The following DRD2 variants were observed in gnomAD, a reference collection of about 807,000 sequenced individuals.
DRD2 encodes dopamine receptor D2.
In DRD2, 8 loss-of-function variants were observed where a neutral mutation model predicts 38.0. The ratio of observed to expected loss-of-function variants is 0.21; its 90% confidence interval spans 0.12 to 0.38. The LOEUF is 0.38. DRD2 is among the 10% of genes least tolerant of loss of function. The probability of loss-of-function intolerance (pLI) is 1.00; values close to 1 mark genes in which losing one functional copy is unlikely to be tolerated. For missense variants in DRD2, 403 were observed against 607.7 expected (o/e 0.66, Z 3.54); for synonymous variants, 230 against 238.6 (o/e 0.96, Z 0.33).
chr11:113,426,091 C>G (rs968375360), intron 1 of DRD2, among the ~76,000 whole-genome samples: 1 of 151,884 alleles, frequency 6.6e-6, no homozygotes, highest in Non-Finnish European at 1.5e-5. Flanking sequence ...GTCATCTGAA[C>G]GAAGATAGTG....
At chr11:113,423,744 C>T (rs1950907820) in intron 2 of DRD2, among the ~76,000 whole-genome samples, 1 of 152,154 alleles carries the variant, frequency 6.6e-6, no homozygotes, top group Non-Finnish European at 1.5e-5. Context: ...ACAATTCTTC[C>T]TAACAAAAGG....
chr11:113,461,384 A>G (rs1951317414), intron 1 of DRD2, among the ~76,000 whole-genome samples: 1 of 152,188 alleles, frequency 6.6e-6, no homozygotes, highest in Non-Finnish European at 1.5e-5. Context: ...CCCCCAGCAA[A>G]GCTGAACTCA....
At chr11:113,413,099 A>T (rs774115040) in intron 6 of DRD2, among the ~76,000 whole-genome samples, 3 of 152,178 alleles carry the variant, frequency 2.0e-5, no homozygotes, top group Admixed American at 6.5e-5. Context: ...GGCAATCCTC[A>T]TGCAGCCTCA....
intron 1 of DRD2, among the ~76,000 whole-genome samples, chr11:113,473,214 A>G (rs1951446509): frequency 6.6e-6 from 1 of 152,204 alleles, no homozygotes; most frequent in Non-Finnish European, 1.5e-5. Flanking sequence ...ATGTAAAATA[A>G]ACTTGATTTC....
At chr11:113,451,324 T>C (rs943865597) in intron 1 of DRD2, among the ~76,000 whole-genome samples, 2 of 152,166 alleles carry the variant, frequency 1.3e-5, no homozygotes, top group African/African-American at 4.8e-5. Context: ...TTAGAAAAGA[T>C]GGTAACATGT....
chr11:113,447,469 C>A (rs1591294225), intron 1 of DRD2: 1 of 142,432 alleles, frequency 7.0e-6, no homozygotes, highest in African/African-American at 2.5e-5. Flanking sequence ...TCCATACCAC[C>A]CTCTGAAAAA....
At chr11:113,449,774 A>G (rs1274851795) in intron 1 of DRD2, among the ~76,000 whole-genome samples, 1 of 152,218 alleles carries the variant, frequency 6.6e-6, no homozygotes, top group African/African-American at 2.4e-5. Context: ...ATACTCAGAC[A>G]AGCCGGATGG....
intron 3 of DRD2, 85 bp downstream of exon 3, chr11:113,417,942 G>T: frequency 1.8e-6 from 2 of 1,098,142 alleles, no homozygotes; most frequent in South Asian, 1.3e-5. Context: ...TCACAGACAC[G>T]AGACACAGCC....
At chr11:113,440,166 G>A (rs949673344) in intron 1 of DRD2, among the ~76,000 whole-genome samples, 8 of 152,042 alleles carry the variant, frequency 5.3e-5, no homozygotes, top group South Asian at 2.1e-4. Context: ...TGCTCGCCTC[G>A]CCCAGATACC....
chr11:113,444,159 CA>C (rs1202896293), intron 1 of DRD2, among the ~76,000 whole-genome samples: 1 of 152,176 alleles, frequency 6.6e-6, no homozygotes, highest in Non-Finnish European at 1.5e-5. Flanking sequence ...CCTCAGCCTC[CA>C]GAATAGCTGA....
At chr11:113,431,094 C>CTTTT (rs1950982610) in intron 1 of DRD2, among the ~76,000 whole-genome samples, 1 of 152,196 alleles carries the variant, frequency 6.6e-6, no homozygotes, top group Non-Finnish European at 1.5e-5. Flanking sequence ...GGCCCCTGGG[C>CTTTT]ATGCATAAAA....
chr11:113,444,248 G>C (rs1951120248), intron 1 of DRD2, among the ~76,000 whole-genome samples: 1 of 152,286 alleles, frequency 6.6e-6, no homozygotes, highest in Admixed American at 6.5e-5. Flanking sequence ...TGTTGACCAG[G>C]CTGGTCTCAA....
intron 6 of DRD2, chr11:113,413,216 G>A: frequency 1.6e-6 from 1 of 627,138 alleles, no homozygotes; most frequent in South Asian, 1.4e-5. Flanking sequence ...GGCTGCTGGG[G>A]TCAAGAGCTG....
At chr11:113,432,328 CT>C (rs1950995828) in intron 1 of DRD2, among the ~76,000 whole-genome samples, 1 of 149,752 alleles carries the variant, frequency 6.7e-6, no homozygotes, top group Non-Finnish European at 1.5e-5. Flanking sequence ...CTCTCTCTCC[CT>C]CCCTCTATCC....
intron 1 of DRD2, among the ~76,000 whole-genome samples, chr11:113,463,896 T>C (rs1041760099): frequency 6.6e-6 from 1 of 152,050 alleles, no homozygotes; most frequent in Non-Finnish European, 1.5e-5. Flanking sequence ...CTGGAAGAGG[T>C]GATACCTGGG....
chr11:113,428,208 G>C (rs1950956706), intron 1 of DRD2, among the ~76,000 whole-genome samples: 2 of 152,214 alleles, frequency 1.3e-5, no homozygotes, highest in African/African-American at 4.8e-5. Flanking sequence ...TGCAGGAAAT[G>C]TACAGGGGAA....
intron 2 of DRD2, among the ~76,000 whole-genome samples, chr11:113,423,840 GA>G: frequency 6.6e-6 from 1 of 152,326 alleles, no homozygotes; most frequent in African/African-American, 2.4e-5. Flanking sequence ...GGGATATGGG[GA>G]GCATAAAGCA....
At chr11:113,439,501 C>A (rs1364309173) in intron 1 of DRD2, among the ~76,000 whole-genome samples, 1 of 152,074 alleles carries the variant, frequency 6.6e-6, no homozygotes, top group African/African-American at 2.4e-5. Context: ...CTGGAAGAAG[C>A]CTTAGAGAAT....
chr11:113,427,961 G>C (rs903288732), intron 1 of DRD2, among the ~76,000 whole-genome samples: 1 of 152,160 alleles, frequency 6.6e-6, no homozygotes, highest in Non-Finnish European at 1.5e-5. Context: ...AGGGATGCGC[G>C]CACAGAGGAG....
Sources: gnomAD v4.1 joint callset for allele counts (sites outside exome capture counted in the v4.1 genomes callset) on GRCh38, gnomAD v4.1.1 for gene constraint, MANE v1.5 for transcripts, NCBI Gene and HGNC (gene_info 2026-07-23, HGNC 2026-07-21) for gene names.